The following OR7E24 variants were observed in gnomAD, a reference collection of about 807,000 sequenced individuals.
OR7E24 encodes the protein olfactory receptor family 7 subfamily E member 24, also known as olfactory receptor 7E24.
For synonymous variants in OR7E24, 130 were observed against 157.5 expected, an observed-to-expected ratio of 0.83 and a Z score of 1.31; for missense variants, 385 against 410.3, an observed-to-expected ratio of 0.94 and a Z score of 0.53.
chr19:9,213,657 CA>C, the OR7E24 span: 1 of 460,578 alleles, frequency 2.2e-6, no homozygotes, highest in Non-Finnish European at 3.9e-6. Flanking sequence ...AGAACCGCTT[CA>C]ACCTGGGAGG....
chr19:9,249,362 A>G (rs549925691), upstream of OR7E24, among the ~76,000 whole-genome samples: 1 of 152,346 alleles, frequency 6.6e-6, no homozygotes, highest in Admixed American at 6.5e-5. Flanking sequence ...GGCTGTGATC[A>G]GTGTGACTTC....
the OR7E24 span, among the ~76,000 whole-genome samples, chr19:9,233,740 G>A: frequency 0.017 from 2,604 of 152,170 alleles, 56 homozygotes; most frequent in Admixed American, 0.055. Context: ...TGTTAAGAAC[G>A]GAAGCTCACA....
rs1430707796 is a variant in OR7E24, at chr19:9,251,942, C to T, written c.899C>T (p.Thr300Ile). 6.2e-7 allele frequency: 1 copy of T among 1,614,102 alleles called. No homozygotes were observed. Among genetic ancestry groups the T allele is most frequent in the Admixed American group, 1.7e-5 (1 of 60,014 alleles). ...MVASVMYTVV[T>I]PMLNPFIYSL... Reference sequence around the variant, plus strand: ...GCTTCAGTGATGTACACTGTGGTCACCCCCATGCTGAACCCCTTCATCTAC... The same window carrying T: ...GCTTCAGTGATGTACACTGTGGTCATCCCCATGCTGAACCCCTTCATCTAC... The change falls in exon 1 of 1, where the codon ACC (threonine) becomes ATC (isoleucine). Residue 300 changes from threonine to isoleucine, a missense_variant. Thr to Ile is a moderately conservative substitution (Grantham distance 89, BLOSUM62 -1). Coordinates refer to ENST00000456448, the MANE Select transcript of OR7E24 (RefSeq NM_001079935.2).
chr19:9,251,930 A>G lies in OR7E24; in HGVS notation c.887A>G (p.Tyr296Cys). ...AAGAGTATGGTGGCTTCAGTGATGT[A>G]CACTGTGGTCACCCCCATGCTGAAC... Reference protein sequence around the residue: ...PRKSMVASVMYTVVTPMLNPF... With the variant: ...PRKSMVASVMCTVVTPMLNPF... The change falls in exon 1 of 1, where the codon TAC (tyrosine) becomes TGC (cysteine). Residue 296 changes from tyrosine to cysteine, a missense_variant. Transcript: ENST00000456448. 6.2e-7 allele frequency: 1 copy of G among 1,614,112 alleles called. No individual in the cohort carries two copies.
the OR7E24 span, among the ~76,000 whole-genome samples, chr19:9,227,145 A>G: frequency 1.3e-5 from 2 of 151,562 alleles, no homozygotes; most frequent in African/African-American, 4.9e-5. Flanking sequence ...AACATGCGGT[A>G]TTTGCTTTTC....
chr19:9,240,197 C>T, the OR7E24 span, among the ~76,000 whole-genome samples: 1 of 152,130 alleles, frequency 6.6e-6, no homozygotes, highest in Non-Finnish European at 1.5e-5. Flanking sequence ...CAATTGTATT[C>T]TCCCATTCCA....
At chr19:9,209,976 A>G in the OR7E24 span, 29 of 152,196 alleles carry the variant, frequency 1.9e-4, no homozygotes, top group Admixed American at 1.6e-3. Context: ...TTTCTATTGA[A>G]CAAGTTCATC....
At chr19:9,248,552 G>A (rs533186883), upstream of OR7E24, among the ~76,000 whole-genome samples, 1 of 152,060 alleles carries the variant, frequency 6.6e-6, no homozygotes, top group African/African-American at 2.4e-5. Flanking sequence ...CTTCCCTTTG[G>A]GGCTTCCTGG....
chr19:9,227,749 CTTTTTTTTTTT>C, the OR7E24 span, among the ~76,000 whole-genome samples: 3 of 107,920 alleles, frequency 2.8e-5, no homozygotes, highest in Non-Finnish European at 5.6e-5. Flanking sequence ...AATGGTATTT[CTTTTTTTTTTT>C]TTTTTTTTTT....
the OR7E24 span, among the ~76,000 whole-genome samples, chr19:9,239,529 G>A: frequency 6.6e-6 from 1 of 151,978 alleles, no homozygotes; most frequent in Non-Finnish European, 1.5e-5. Context: ...TGTCATTGAG[G>A]TTTGAATTTG....
upstream of OR7E24, among the ~76,000 whole-genome samples, chr19:9,242,494 C>A (rs1289393159): frequency 6.6e-6 from 1 of 152,198 alleles, no homozygotes; most frequent in Admixed American, 6.5e-5. Context: ...AAGTGATCCA[C>A]CTGCCTCGGC....
At chr19:9,215,650 T>G in the OR7E24 span, among the ~76,000 whole-genome samples, 1 of 152,192 alleles carries the variant, frequency 6.6e-6, no homozygotes, top group African/African-American at 2.4e-5. Flanking sequence ...TGATATTACT[T>G]TCTTATTGAG....
upstream of OR7E24, among the ~76,000 whole-genome samples, chr19:9,250,543 A>C (rs1229797655): frequency 6.6e-6 from 1 of 152,250 alleles, no homozygotes; most frequent in Non-Finnish European, 1.5e-5. Context: ...AAACCGTAGA[A>C]TATAACTGGT....
chr19:9,214,575 C>T, the OR7E24 span: 61 of 1,613,954 alleles, frequency 3.8e-5, no homozygotes, highest in Admixed American at 4.8e-4. Context: ...GTCTTTGCTC[C>T]GTGCCTGGAT....
At chr19:9,218,171 A>G in the OR7E24 span, among the ~76,000 whole-genome samples, 9 of 152,252 alleles carry the variant, frequency 5.9e-5, no homozygotes, top group African/African-American at 1.4e-4. Flanking sequence ...GAAATGTTCT[A>G]TAAAGACTGG....
chr19:9,222,788 A>G, the OR7E24 span, among the ~76,000 whole-genome samples: 158 of 151,912 alleles, frequency 1.0e-3, 1 homozygote, highest in East Asian at 0.028. Context: ...GATGTCTTTT[A>G]TTTTTTTTCT....
At chr19:9,236,063 G>A in the OR7E24 span, 1 of 1,561,336 alleles carries the variant, frequency 6.4e-7, no homozygotes. Context: ...CTCCTTAGCA[G>A]GGCAGCCTCT....
At chr19:9,216,133 A>G in the OR7E24 span, among the ~76,000 whole-genome samples, 1 of 152,160 alleles carries the variant, frequency 6.6e-6, no homozygotes, top group African/African-American at 2.4e-5. Flanking sequence ...TCCATGATTC[A>G]ATTTCCTCCC....
At chr19:9,236,077 C>A in the OR7E24 span, 1 of 1,478,006 alleles carries the variant, frequency 6.8e-7, no homozygotes, top group Non-Finnish European at 9.4e-7. Context: ...AGCCTCTTGT[C>A]TCTTACGGTA....
Sources: gnomAD v4.1 joint callset for allele counts (sites outside exome capture counted in the v4.1 genomes callset) on GRCh38, gnomAD v4.1.1 for gene constraint, MANE v1.5 for transcripts, NCBI Gene and HGNC (gene_info 2026-07-23, HGNC 2026-07-21) for gene names.